GDPD1: variants seen among roughly 807,000 people sequenced by gnomAD.
The protein encoded by GDPD1 is lysophospholipase D GDPD1.
In GDPD1, 28 loss-of-function variants were observed where a neutral mutation model predicts 45.1. The ratio of observed to expected loss-of-function variants is 0.62; its 90% CI spans 0.46 to 0.85. GDPD1 has a LOEUF of 0.85. Among genes scored for constraint, GDPD1 ranks in the 40% least tolerant of loss-of-function variants. The probability of loss-of-function intolerance (pLI) is 0.00; values close to 1 mark genes in which losing one functional copy is unlikely to be tolerated. For synonymous variants in GDPD1, 139 were observed against 131.4 expected, an observed-to-expected ratio of 1.06 and a Z score of -0.40; for missense variants, 256 against 364.8, an observed-to-expected ratio of 0.70 and a Z score of 2.43.
rs773242936 is a variant in GDPD1, at chr17:59,220,609, G to T, written c.-1G>T. ...GGGAGACTTCCCACACGGTGACTGA[G>T]ATGTCGTCCACTGCGGCTTTTTACC... is the stretch of plus-strand genomic sequence containing the variant. On this transcript the variant is annotated 5_prime_UTR_variant, in exon 1 of 10. Coordinates refer to ENST00000284116, the MANE Select transcript of GDPD1 (RefSeq NM_182569.4). 1 of 1,613,572 alleles carries T rather than the reference G, an allele frequency of 6.2e-7. No homozygotes were observed. The highest frequency in any genetic ancestry group is 1.1e-5 in the South Asian group (1 of 90,952).
At chr17:59,265,873 C>A (rs1170735979) in intron 6 of GDPD1, among the ~76,000 whole-genome samples, 4 of 143,186 alleles carry the variant, frequency 2.8e-5, no homozygotes, top group African/African-American at 7.8e-5. Flanking sequence ...CACTGCACTC[C>A]AGCCTGGGTG....
rs1484021175 is a variant in GDPD1 at position 59,268,914 on chromosome 17, C to CG, written c.710+1746dup. ...AAAATTAGCCAGGCTCGCCTGAACA[C>CG]GGGGGGCAGAAGTTGCGGTGAGCCA... On this transcript the variant is annotated intron_variant, in intron 7 of 9. Transcript: ENST00000284116. Among the ~76,000 whole-genome samples, 7 of 151,400 alleles carry CG rather than the reference C, an allele frequency of 4.6e-5. No individual in the cohort carries two copies. In the East Asian group the frequency reaches 7.9e-4, roughly 17 times the overall value.
At chr17:59,245,573 T>C in intron 3 of GDPD1, 24 bp downstream of exon 3, 1 of 1,574,502 alleles carries the variant, frequency 6.4e-7, no homozygotes, top group Non-Finnish European at 8.6e-7. Context: ...CATGATAAAC[T>C]AATATCTAAT....
At position 59,229,615 on chromosome 17, in the gene GDPD1, G is replaced by A. The variant is rs558137966; in HGVS notation, c.143-4877G>A. On this transcript the variant is annotated intron_variant, in intron 1 of 9. Coordinates refer to ENST00000284116, the MANE Select transcript of GDPD1 (RefSeq NM_182569.4). ...GGACCTCAGGTTATCCGCCCGCCTC[G>A]GCCTCCCAAAGTGCTGGGATTACAG... 1.3e-4 allele frequency among the ~76,000 whole-genome samples: 20 copies of A among 152,082 alleles called. No homozygotes were observed. In the South Asian group the frequency reaches 2.9e-3, roughly 22 times the overall value.
At chr17:59,242,063 G>GTTTGTT (rs1568342152) in intron 2 of GDPD1, among the ~76,000 whole-genome samples, 1 of 151,262 alleles carries the variant, frequency 6.6e-6, no homozygotes, top group Non-Finnish European at 1.5e-5. Flanking sequence ...GGGTTTTTTT[G>GTTTGTT]TTTGTTTGTT....
At position 59,274,479 on chromosome 17, in the gene GDPD1, C is replaced by T. The variant is rs2047465879; in HGVS notation, c.*706C>T. Reference sequence around the variant, plus strand: ...AGTGAGCCAAGATAGCACCACTGCACTCCAGCCTGGGAGACAGAGTGAGAC... The same window carrying T: ...AGTGAGCCAAGATAGCACCACTGCATTCCAGCCTGGGAGACAGAGTGAGAC... On this transcript the variant is annotated 3_prime_UTR_variant, in exon 10 of 10. Transcript: ENST00000284116. 6.9e-6 allele frequency: 1 copy of T among 144,182 alleles called. No individual in the cohort carries two copies. Among genetic ancestry groups the T allele is most frequent in the South Asian group, 2.2e-4 (1 of 4,472 alleles). The allele number at this position is 144,182 out of a possible 1,614,324, so 8.9% of individuals were successfully genotyped here.
At chr17:59,257,441 A>C (rs1267102324) in intron 5 of GDPD1, among the ~76,000 whole-genome samples, 2 of 152,216 alleles carry the variant, frequency 1.3e-5, no homozygotes, top group Non-Finnish European at 2.9e-5. Context: ...TTGGCATGTC[A>C]TGGATAAAAT....
intron 4 of GDPD1, 79 bp downstream of exon 4, chr17:59,248,864 AAAAGTAAC>A: frequency 2.9e-6 from 3 of 1,022,196 alleles, no homozygotes; most frequent in Non-Finnish European, 4.5e-6. Flanking sequence ...AGTTCTTACT[AAAAGTAAC>A]TGACCTCTAA....
intron 2 of GDPD1, 43 bp downstream of exon 2, chr17:59,234,577 GT>G (rs745558097): frequency 2.3e-6 from 3 of 1,322,274 alleles, no homozygotes; most frequent in Non-Finnish European, 2.2e-6. Flanking sequence ...TTCTTTTACA[GT>G]TTGCAGGCTT....
At chr17:59,223,937 T>A (rs1041429749) in intron 1 of GDPD1, among the ~76,000 whole-genome samples, 2 of 152,110 alleles carry the variant, frequency 1.3e-5, no homozygotes, top group Non-Finnish European at 2.9e-5. Flanking sequence ...GAATCACAGA[T>A]GGACAGATGG....
chr17:59,223,019 A>C (rs2047018320), intron 1 of GDPD1, among the ~76,000 whole-genome samples: 1 of 152,188 alleles, frequency 6.6e-6, no homozygotes, highest in Non-Finnish European at 1.5e-5. Context: ...GATCTTTGAA[A>C]TTTTGCAACA....
chr17:59,263,215 A>G (rs1372887872), intron 6 of GDPD1, among the ~76,000 whole-genome samples: 4 of 151,980 alleles, frequency 2.6e-5, no homozygotes, highest in African/African-American at 7.2e-5. Flanking sequence ...AATTTTTTGT[A>G]GAGATGGAGT....
At chr17:59,233,434 C>T (rs953316698) in intron 1 of GDPD1, among the ~76,000 whole-genome samples, 2 of 150,720 alleles carry the variant, frequency 1.3e-5, no homozygotes, top group African/African-American at 4.9e-5. Context: ...ATGGCGTAAG[C>T]CCGGGAGGCG....
chr17:59,247,614 T>C (rs911311922), intron 3 of GDPD1, among the ~76,000 whole-genome samples: 4 of 152,148 alleles, frequency 2.6e-5, no homozygotes, highest in East Asian at 1.9e-4. Flanking sequence ...TTTTCACCAT[T>C]GTAGATAACA....
At chr17:59,271,762 T>G (rs2047446339) in intron 8 of GDPD1, among the ~76,000 whole-genome samples, 1 of 151,670 alleles carries the variant, frequency 6.6e-6, no homozygotes, top group African/African-American at 2.4e-5. Context: ...GCCTCCCGAG[T>G]AGCTGGAACT....
At position 59,245,479 on chromosome 17, in the gene GDPD1, T is replaced by C. The variant is rs1312106041; in HGVS notation, c.251T>C (p.Val84Ala). Reference sequence around the variant, plus strand: ...CATATCACAAAAGATGAACAAGTTGTAGTGTCACATGATGAGAATCTAAAG... The same window carrying C: ...CATATCACAAAAGATGAACAAGTTGCAGTGTCACATGATGAGAATCTAAAG... Reference protein sequence around the residue: ...DCHITKDEQVVVSHDENLKRA... With the variant: ...DCHITKDEQVAVSHDENLKRA... Residue 84 changes from valine (V) to alanine (A), a missense_variant, in exon 3 of 10, where the codon GTA becomes GCA. Val to Ala is a moderately conservative substitution (Grantham distance 64). Coordinates refer to ENST00000284116, the MANE Select transcript of GDPD1 (RefSeq NM_182569.4). 9.3e-6 allele frequency: 15 copies of C among 1,609,248 alleles called. No homozygotes were observed. The highest frequency in any genetic ancestry group is 1.3e-5 in the Non-Finnish European group (15 of 1,175,806).
At chr17:59,244,532 C>T (rs2047197147) in intron 2 of GDPD1, among the ~76,000 whole-genome samples, 1 of 152,092 alleles carries the variant, frequency 6.6e-6, no homozygotes, top group Non-Finnish European at 1.5e-5. Context: ...GGGGTTTCAC[C>T]TTGTCGGCCA....
intron 1 of GDPD1, among the ~76,000 whole-genome samples, chr17:59,226,732 G>A (rs2047049722): frequency 6.6e-6 from 1 of 151,976 alleles, no homozygotes; most frequent in Non-Finnish European, 1.5e-5. Context: ...CTGGAATGCA[G>A]TGGCGCGATC....
chr17:59,272,993 C>T, intron 9 of GDPD1, 157 bp downstream of exon 9: 1 of 1,486,142 alleles, frequency 6.7e-7, no homozygotes, highest in South Asian at 1.3e-5. Context: ...CTTCCTTACA[C>T]TTAGCAATAA....
Sources: allele counts gnomAD v4.1 joint callset (sites outside exome capture counted in the v4.1 genomes callset), GRCh38; gene constraint gnomAD v4.1.1; transcripts MANE v1.5; gene names NCBI Gene and HGNC (gene_info 2026-07-23, HGNC 2026-07-21).